The following SLC35F4 variants were observed in gnomAD, a reference collection of about 807,000 sequenced individuals.
SLC35F4 encodes the protein solute carrier family 35 member F4, also known as chromosome 14 open reading frame 36.
In SLC35F4, 24 loss-of-function variants were observed where a neutral mutation model predicts 44.2. That is an observed-to-expected ratio of 0.54 (90% confidence interval 0.39 to 0.76). The LOEUF is 0.76. SLC35F4 is among the 30% of genes least tolerant of loss of function. The probability of loss-of-function intolerance (pLI) is 0.00; values close to 1 mark genes in which losing one functional copy is unlikely to be tolerated. For missense variants in SLC35F4, 562 were observed against 586.1 expected (o/e 0.96, Z 0.42); for synonymous variants, 238 against 223.6 (o/e 1.06, Z -0.57).
At chr14:57,873,260 T>A (rs374554545) in intron 1 of SLC35F4, among the ~76,000 whole-genome samples, 3 of 152,200 alleles carry the variant, frequency 2.0e-5, no homozygotes, top group Middle Eastern at 6.8e-3. Flanking sequence ...ACCTCTCCAG[T>A]TGTGCTGTGA....
chr14:57,642,018 C>A (rs147796384), intron 1 of SLC35F4, among the ~76,000 whole-genome samples: 2 of 152,108 alleles, frequency 1.3e-5, no homozygotes, highest in East Asian at 3.9e-4. Flanking sequence ...TGCATTAACA[C>A]AAATACATAC....
At chr14:57,849,745 C>A (rs1886387752) in intron 1 of SLC35F4, among the ~76,000 whole-genome samples, 2 of 152,124 alleles carry the variant, frequency 1.3e-5, no homozygotes, top group Admixed American at 1.3e-4. Context: ...AAGGTTAGAA[C>A]CTGTGTACTT....
At chr14:57,670,101 T>A (rs1241220451) in intron 1 of SLC35F4, among the ~76,000 whole-genome samples, 1 of 152,164 alleles carries the variant, frequency 6.6e-6, no homozygotes, top group Non-Finnish European at 1.5e-5. Flanking sequence ...CTTCTGGATT[T>A]TCTGGTTTAT....
intron 1 of SLC35F4, among the ~76,000 whole-genome samples, chr14:57,642,576 A>G (rs1419252178): frequency 6.6e-6 from 1 of 151,980 alleles, no homozygotes; most frequent in Non-Finnish European, 1.5e-5. Flanking sequence ...AACACAAAAC[A>G]TCTGGACAAA....
chr14:57,599,593 G>A (rs238385), intron 1 of SLC35F4, among the ~76,000 whole-genome samples: 104,261 of 151,798 alleles, frequency 0.69, 36,463 homozygotes, highest in Non-Finnish European at 0.75. Flanking sequence ...TGTAATCCCA[G>A]CACTTTGGGA....
In SLC35F4 at chr14:57,961,831, G is replaced by A. The variant is rs546753221; in HGVS notation, n.282+20082C>T. On this transcript the variant is annotated intron_variant and non_coding_transcript_variant, in intron 1 of 1. Coordinates refer to the SLC35F4 transcript ENST00000556568. ...CTCAGCCCTCCCTGCCTCAACTGAC[G>A]ACTTTAAGCCCTCTTATTATATGTC... Among the ~76,000 whole-genome samples the A allele has an allele frequency of 9.2e-5, 14 of 152,148 alleles. No homozygotes were observed. The South Asian group carries it at 1.0e-3, about 11-fold the overall frequency.
intron 1 of SLC35F4, among the ~76,000 whole-genome samples, chr14:57,789,263 A>G (rs1466611912): frequency 6.6e-6 from 1 of 152,194 alleles, no homozygotes; most frequent in Non-Finnish European, 1.5e-5. Flanking sequence ...CCTAATAAAG[A>G]AGAAAAGAGA....
chr14:57,837,958 T>A (rs1478015018), intron 1 of SLC35F4, among the ~76,000 whole-genome samples: 1 of 152,222 alleles, frequency 6.6e-6, no homozygotes. Flanking sequence ...GTTACCATCT[T>A]TTTGCCATAT....
Position 57,871,354 on chromosome 14 carries a change from A to G in SLC35F4, n.282+110559T>C, listed in dbSNP as rs539640486. Among the ~76,000 whole-genome samples the G allele has an allele frequency of 2.0e-5, 3 of 152,312 alleles. No individual in the cohort carries two copies. In the South Asian group the frequency reaches 6.2e-4, roughly 32 times the overall value. On this transcript the variant is annotated intron_variant and non_coding_transcript_variant, in intron 1 of 1. Coordinates refer to the SLC35F4 transcript ENST00000556568. ...GGAGCCCCAACAAGACTGAGATTGC[A>G]TTTCCCACTATTTTTATGAGGAATA...
At chr14:57,788,711 C>T (rs555007355) in intron 1 of SLC35F4, among the ~76,000 whole-genome samples, 1 of 152,292 alleles carries the variant, frequency 6.6e-6, no homozygotes, top group African/African-American at 2.4e-5. Context: ...ACAGAATAGA[C>T]ATTCTTCTGA....
intron 1 of SLC35F4, among the ~76,000 whole-genome samples, chr14:57,671,123 C>G (rs776270358): frequency 3.9e-5 from 6 of 151,972 alleles, no homozygotes; most frequent in Non-Finnish European, 8.8e-5. Flanking sequence ...AGCATAGTCT[C>G]GGTCTCCTGA....
intron 1 of SLC35F4, among the ~76,000 whole-genome samples, chr14:57,835,545 C>T (rs1418576714): frequency 3.3e-5 from 5 of 152,070 alleles, no homozygotes; most frequent in African/African-American, 9.7e-5. Context: ...CAGAACAATA[C>T]GCAAAATGTG....
At chr14:57,915,943 C>G (rs1325916095) in intron 1 of SLC35F4, among the ~76,000 whole-genome samples, 2 of 152,172 alleles carry the variant, frequency 1.3e-5, no homozygotes, top group Non-Finnish European at 2.9e-5. Flanking sequence ...GTTCCAACAC[C>G]ACTCCCACAT....
intron 1 of SLC35F4, among the ~76,000 whole-genome samples, chr14:57,890,274 C>T (rs1595270614): frequency 6.6e-6 from 1 of 152,144 alleles, no homozygotes; most frequent in African/African-American, 2.4e-5. Context: ...TGACCAAAGG[C>T]CCAGCCAATG....
chr14:57,651,520 G>A (rs1036297528), intron 1 of SLC35F4, among the ~76,000 whole-genome samples: 2 of 152,100 alleles, frequency 1.3e-5, no homozygotes, highest in Non-Finnish European at 2.9e-5. Flanking sequence ...GATACCGAGA[G>A]TCCTCAGTTT....
intron 1 of SLC35F4, among the ~76,000 whole-genome samples, chr14:57,911,796 A>G (rs1889220434): frequency 1.3e-5 from 2 of 152,042 alleles, no homozygotes; most frequent in Admixed American, 6.5e-5. Flanking sequence ...GCTTCACAGA[A>G]TGAGTTAGGA....
intron 1 of SLC35F4, among the ~76,000 whole-genome samples, chr14:57,937,622 AAAG>A (rs1253526432): frequency 2.5e-5 from 3 of 120,702 alleles, no homozygotes; most frequent in Admixed American, 7.7e-5. Context: ...AAAGAAAAGA[AAAG>A]AAAAGAAAAG....
intron 1 of SLC35F4, among the ~76,000 whole-genome samples, chr14:57,952,066 G>T (rs757817380): frequency 6.6e-6 from 1 of 152,194 alleles, no homozygotes; most frequent in Non-Finnish European, 1.5e-5. Context: ...GTGCCCCTCT[G>T]GGATGAAGCT....
At chr14:57,925,861 C>T (rs974752238) in intron 1 of SLC35F4, among the ~76,000 whole-genome samples, 1 of 152,184 alleles carries the variant, frequency 6.6e-6, no homozygotes, top group Non-Finnish European at 1.5e-5. Flanking sequence ...ACCACCATCT[C>T]TTCTTCCTCG....
Sources: gnomAD v4.1 joint callset for allele counts (sites outside exome capture counted in the v4.1 genomes callset) on GRCh38, gnomAD v4.1.1 for gene constraint, MANE v1.5 for transcripts, NCBI Gene and HGNC (gene_info 2026-07-23, HGNC 2026-07-21) for gene names.